LNPEP: variants seen among roughly 807,000 people sequenced by gnomAD.
LNPEP encodes the protein leucyl-cystinyl aminopeptidase.
In LNPEP, 64 loss-of-function variants were observed where a neutral mutation model predicts 120.6. The ratio of observed to expected loss-of-function variants is 0.53; its 90% CI spans 0.43 to 0.65. The LOEUF (loss-of-function observed/expected upper bound fraction) is 0.65. LNPEP is among the 30% of genes least tolerant of loss of function. The pLI, the probability that LNPEP is intolerant of heterozygous loss-of-function variation, is 0.00. For missense variants in LNPEP, 1,057 were observed against 1,200.0 expected (o/e 0.88, Z 1.76); for synonymous variants, 435 against 425.4 (o/e 1.02, Z -0.28).
intron 13 of LNPEP, among the ~76,000 whole-genome samples, chr5:97,018,136 A>G (rs970916384): frequency 6.6e-6 from 1 of 152,176 alleles, no homozygotes; most frequent in Non-Finnish European, 1.5e-5. Flanking sequence ...AGGGGATACT[A>G]TTCAACCTAG....
Position 97,022,675 on chromosome 5 carries a change from T to C in LNPEP, c.2561+191T>C, listed in dbSNP as rs573565662. ...ATTATACTTTAAGTTTTAGGGTACA[T>C]GTGCACAATGTGCAGGTTAGTTACA... On this transcript the variant is annotated intron_variant, in intron 14 of 17. Transcript: ENST00000231368. Among the ~76,000 whole-genome samples the C allele has an allele frequency of 2.6e-5, 4 of 151,592 alleles. No homozygotes were observed. The East Asian group carries it at 5.9e-4, about 22-fold the overall frequency.
chr5:97,003,351 C>A, intron 8 of LNPEP, 64 bp from the exon 9 acceptor site: 5 of 959,710 alleles, frequency 5.2e-6, no homozygotes, highest in Non-Finnish European at 4.4e-6. Flanking sequence ...TTTTAGATTC[C>A]CAATTCGATA....
chr5:97,002,864 C>T lies in LNPEP; in HGVS notation c.1654-551C>T, dbSNP rs1487939793. On this transcript the variant is annotated intron_variant, in intron 8 of 17. Coordinates refer to ENST00000231368, the MANE Select transcript of LNPEP (RefSeq NM_005575.3). ...TTAATATTATGCTCCCTGCCCTATA[C>T]ATTTGTTAGTTCCAAGCATTTGAAG... is the stretch of plus-strand genomic sequence containing the variant. 3.3e-5 allele frequency among the ~76,000 whole-genome samples: 5 copies of T among 152,274 alleles called. No homozygotes were observed. The East Asian group carries it at 9.6e-4, about 29-fold the overall frequency.
chr5:96,980,543 G>A (rs1790098435), intron 2 of LNPEP, among the ~76,000 whole-genome samples: 1 of 151,988 alleles, frequency 6.6e-6, no homozygotes, highest in Non-Finnish European at 1.5e-5. Flanking sequence ...CAGAAAAAAA[G>A]GTGAGACAAA....
intron 4 of LNPEP, among the ~76,000 whole-genome samples, chr5:96,991,376 C>A (rs1283417416): frequency 6.6e-6 from 1 of 152,190 alleles, no homozygotes; most frequent in East Asian, 1.9e-4. Flanking sequence ...TTGAAGGAAT[C>A]TCCACACTGT....
At chr5:97,001,765 C>G (rs1184540649) in intron 8 of LNPEP, among the ~76,000 whole-genome samples, 1 of 152,068 alleles carries the variant, frequency 6.6e-6, no homozygotes. Flanking sequence ...TCAGTTATAT[C>G]AAATGCTATC....
At chr5:97,014,842 A>G in intron 12 of LNPEP, 97 bp from the exon 13 acceptor site, 1 of 864,908 alleles carries the variant, frequency 1.2e-6, no homozygotes, top group East Asian at 3.0e-5. Context: ...TTTGGTCTCC[A>G]AGACTCACCA....
rs769404198 is a variant in LNPEP, at chr5:97,029,140, C to T, written c.*607C>T. The T allele has an allele frequency of 2.6e-5, 4 of 151,962 alleles. No individual in the cohort carries two copies. The highest frequency in any genetic ancestry group is 5.9e-5 in the Non-Finnish European group (4 of 67,968). 9.4% of individuals were successfully genotyped at this position (151,962 alleles called of 1,614,324 possible). A position where few individuals can be genotyped will look rare whatever the true frequency, so the allele number is the denominator to read the frequency against. On this transcript the variant is annotated 3_prime_UTR_variant, in exon 18 of 18. Coordinates refer to ENST00000231368, the MANE Select transcript of LNPEP (RefSeq NM_005575.3). ...TGTAACTATTGTGTTTTTTTCCTGC[C>T]GAATAGCCAGGTGCTACAGATTTTT...
At chr5:97,024,273 G>A (rs1791285281) in intron 14 of LNPEP, among the ~76,000 whole-genome samples, 1 of 152,136 alleles carries the variant, frequency 6.6e-6, no homozygotes, top group Admixed American at 6.5e-5. Flanking sequence ...GCTCCCTAGT[G>A]TCCAGCCAGT....
At chr5:96,999,697 C>T (rs1790600536) in intron 8 of LNPEP, among the ~76,000 whole-genome samples, 1 of 151,756 alleles carries the variant, frequency 6.6e-6, no homozygotes, top group Non-Finnish European at 1.5e-5. Flanking sequence ...TGCCACTGAC[C>T]CAAACCCTCT....
At chr5:96,946,543 A>C (rs1309730828) in intron 1 of LNPEP, among the ~76,000 whole-genome samples, 2 of 152,200 alleles carry the variant, frequency 1.3e-5, no homozygotes, top group Admixed American at 1.3e-4. Flanking sequence ...TGCGATAAAG[A>C]CTTGAAGAAT....
intron 13 of LNPEP, among the ~76,000 whole-genome samples, chr5:97,016,140 C>A (rs1256262139): frequency 6.6e-6 from 1 of 152,080 alleles, no homozygotes; most frequent in African/African-American, 2.4e-5. Flanking sequence ...GGAGTTACCC[C>A]ATCCCTATCC....
At chr5:96,943,180 A>G (rs146295456) in intron 1 of LNPEP, 4 of 481,258 alleles carry the variant, frequency 8.3e-6, no homozygotes, top group Non-Finnish European at 1.2e-5. Context: ...TCACCATTGC[A>G]GATGCTTAAG....
intron 16 of LNPEP, among the ~76,000 whole-genome samples, 200 bp downstream of exon 16, chr5:97,026,957 A>G (rs1039897660): frequency 4.6e-5 from 7 of 152,212 alleles, no homozygotes. Flanking sequence ...GTAGCATTCC[A>G]TCTAAGTTCT....
At chr5:97,006,373 T>A (rs1249215616) in intron 10 of LNPEP, 54 bp from the exon 11 acceptor site, 7 of 1,083,740 alleles carry the variant, frequency 6.5e-6, no homozygotes, top group Admixed American at 2.5e-5. Flanking sequence ...CCTACCAAAT[T>A]AAAAAAAAAA....
intron 11 of LNPEP, chr5:97,011,253 T>C: frequency 2.2e-6 from 2 of 908,600 alleles, no homozygotes; most frequent in Non-Finnish European, 2.6e-6. Flanking sequence ...AGAGACAGGG[T>C]CCTGCTCTGT....
chr5:97,014,838 C>G (rs929304695), intron 12 of LNPEP, 101 bp from the exon 13 acceptor site: 21 of 800,474 alleles, frequency 2.6e-5, no homozygotes, highest in Non-Finnish European at 3.4e-5. Context: ...AATTTTTGGT[C>G]TCCAAGACTC....
At chr5:97,018,798 C>A (rs1475886741) in intron 13 of LNPEP, among the ~76,000 whole-genome samples, 1 of 152,138 alleles carries the variant, frequency 6.6e-6, no homozygotes, top group African/African-American at 2.4e-5. Flanking sequence ...ATTTATTGGT[C>A]ATTTTGTTAT....
chr5:96,938,002 CT>C (rs1336235407), intron 1 of LNPEP, among the ~76,000 whole-genome samples: 3 of 152,164 alleles, frequency 2.0e-5, no homozygotes, highest in Non-Finnish European at 4.4e-5. Flanking sequence ...GCAATCACTC[CT>C]TGGAGCCTTA....
Sources: allele counts gnomAD v4.1 joint callset (sites outside exome capture counted in the v4.1 genomes callset), GRCh38; gene constraint gnomAD v4.1.1; transcripts MANE v1.5; gene names NCBI Gene and HGNC (gene_info 2026-07-23, HGNC 2026-07-21).